Variants in PRRC2C observed in about 807,000 individuals in gnomAD.
PRRC2C encodes proline rich coiled-coil 2C.
PRRC2C carries 72 observed loss-of-function variants against 317.2 expected under a neutral mutation model. The observed-to-expected ratio is 0.23, with a 90% CI of 0.19 to 0.28. The LOEUF (loss-of-function observed/expected upper bound fraction) is 0.28, where lower values mean the gene tolerates loss of function less well. Ranked by LOEUF, PRRC2C falls within the 10% of genes least tolerant of loss-of-function variation. The probability of loss-of-function intolerance (pLI) is 1.00; values close to 1 mark genes in which losing one functional copy is unlikely to be tolerated. For synonymous variants in PRRC2C, 1,296 were observed against 1,205.9 expected, an observed-to-expected ratio of 1.07 and a Z score of -1.55; for missense variants, 3,074 against 3,459.7, an observed-to-expected ratio of 0.89 and a Z score of 2.80.
intron 2 of PRRC2C, chr1:171,512,695 A>G (rs566430913): frequency 1.5e-5 from 4 of 273,076 alleles, no homozygotes; most frequent in East Asian, 1.6e-4. Context: ...CTAACATTCT[A>G]AGTTTTGAGT....
rs1295536966 is a variant in PRRC2C at position 171,566,766 on chromosome 1, A to G, written c.6481A>G (p.Lys2161Glu). The G allele has an allele frequency of 1.2e-6, 2 of 1,613,834 alleles. No individual in the cohort carries two copies. The highest frequency in any genetic ancestry group is 1.7e-6 in the Non-Finnish European group (2 of 1,179,806). The change falls in exon 22 of 35, where the codon AAA (lysine) becomes GAA (glutamate). Residue 2161 changes from lysine (K) to glutamate (E), a missense_variant. By Grantham distance (56) the Lys-to-Glu change is moderately conservative (BLOSUM62 1). Coordinates refer to ENST00000647382, the MANE Select transcript of PRRC2C (RefSeq NM_001387844.1). ...STDPVTTKET[K>E]AVSEMSTEIG... is the part of the protein sequence containing the mutation. ...AGATCCTGTCACGACAAAGGAGACT[A>G]AAGCAGTCTCAGAAATGTCTACTGA...
chr1:171,560,975 ACT>A, intron 19 of PRRC2C, 41 bp from the exon 20 acceptor site: 2 of 1,447,606 alleles, frequency 1.4e-6, no homozygotes. Flanking sequence ...AGATTATTAG[ACT>A]CTAAATCTTA....
Position 171,532,585 on chromosome 1 carries a change from A to G in PRRC2C, c.1497A>G (p.Lys499=), listed in dbSNP as rs1005353599. 1.9e-6 allele frequency: 3 copies of G among 1,562,284 alleles called. No homozygotes were observed. ...RLDEKLGILE[K]QPSPEEIRER... ...ATGAGAAGCTTGGCATCCTGGAAAA[A>G]CAACCATCTCCAGAGGAAATTAGGG... The change falls in exon 12 of 35, where the codon AAA becomes AAG. Residue 499 remains lysine, a synonymous_variant. Coordinates refer to ENST00000647382, the MANE Select transcript of PRRC2C (RefSeq NM_001387844.1).
Position 171,584,207 on chromosome 1 carries a change from C to G in PRRC2C, c.7641+20C>G. 1 of 1,560,876 alleles carries G rather than the reference C, an allele frequency of 6.4e-7. No individual in the cohort carries two copies. Among genetic ancestry groups the G allele is most frequent in the Middle Eastern group, 1.7e-4 (1 of 5,944 alleles). On this transcript the variant is annotated intron_variant, in intron 29 of 34. Transcript: ENST00000647382. Reference sequence around the variant, plus strand: ...CTCCAGGTAAGTCAGGGGACTAGAGCAATGCACCCTCATTGTATTCCTATG... The same window carrying G: ...CTCCAGGTAAGTCAGGGGACTAGAGGAATGCACCCTCATTGTATTCCTATG...
At chr1:171,563,123 C>A (rs1453000066) in intron 20 of PRRC2C, among the ~76,000 whole-genome samples, 1 of 151,880 alleles carries the variant, frequency 6.6e-6, no homozygotes. Flanking sequence ...GGGATGAAAG[C>A]CTGGATGAAA....
chr1:171,588,196 G>T (rs1193378590), intron 32 of PRRC2C, among the ~76,000 whole-genome samples, 183 bp from the exon 33 acceptor site: 1 of 152,074 alleles, frequency 6.6e-6, no homozygotes, highest in African/African-American at 2.4e-5. Flanking sequence ...ACTGGTAACT[G>T]GTATCCTTTC....
intron 26 of PRRC2C, among the ~76,000 whole-genome samples, chr1:171,578,372 G>T (rs1647675388): frequency 6.6e-6 from 1 of 151,956 alleles, no homozygotes; most frequent in African/African-American, 2.4e-5. Flanking sequence ...GAGCAACATA[G>T]TGAGACCCAT....
rs934049337 is a variant in PRRC2C, at chr1:171,557,402, G to C, written c.5290G>C (p.Val1764Leu). Residue 1764 changes from valine to leucine, a missense_variant, in exon 19 of 35, where the codon GTT (valine) becomes CTT (leucine). Val to Leu is a conservative substitution (Grantham distance 32). This residue lies in a region of PRRC2C where 640 missense variants were observed against 676.1 expected (regional missense o/e 0.95). Coordinates refer to ENST00000647382, the MANE Select transcript of PRRC2C (RefSeq NM_001387844.1). ...APLPPSTSASVPASTSAPLPA... is the reference protein window; with the variant it reads ...APLPPSTSASLPASTSAPLPA... ...ACTTCCACCTTCAACCTCAGCTTCAGTTCCAGCCTCAACCTCAGCTCCACT... is the reference window on the plus strand; with the variant it reads ...ACTTCCACCTTCAACCTCAGCTTCACTTCCAGCCTCAACCTCAGCTCCACT... 13 of 1,548,530 alleles carry C rather than the reference G, an allele frequency of 8.4e-6. No individual in the cohort carries two copies. In the Admixed American group the frequency reaches 2.4e-4, roughly 28 times the overall value.
chr1:171,557,511 C>CAGCTCCAGTTCCAGCCTCACCCTT lies in PRRC2C; in HGVS notation c.5410_5433dup (p.Pro1804_Val1811dup), dbSNP rs750227584. On this transcript the variant is annotated inframe_insertion, in exon 19 of 35. Coordinates refer to ENST00000647382, the MANE Select transcript of PRRC2C (RefSeq NM_001387844.1). The stretch of plus-strand genomic sequence containing the variant: ...TTAGCTCCAGTTCTGGCCTCAACCT[C>CAGCTCCAGTTCCAGCCTCACCCTT]AGCTCCAGTTCCAGCCTCACCCTTA... 417 of 1,551,582 alleles carry CAGCTCCAGTTCCAGCCTCACCCTT rather than the reference C, an allele frequency of 2.7e-4. 2 individuals are homozygous for CAGCTCCAGTTCCAGCCTCACCCTT. The African/African-American group carries it at 4.0e-3, about 15-fold the overall frequency.
At chr1:171,519,336 A>G (rs939973387) in intron 6 of PRRC2C, among the ~76,000 whole-genome samples, 2 of 152,204 alleles carry the variant, frequency 1.3e-5, no homozygotes, top group Non-Finnish European at 2.9e-5. Context: ...CTCAAATATT[A>G]TGTTAGTATT....
intron 34 of PRRC2C, 191 bp from the exon 35 acceptor site, chr1:171,591,395 AC>A: frequency 3.6e-6 from 2 of 561,358 alleles, no homozygotes; most frequent in East Asian, 4.0e-5. Flanking sequence ...TTTTTAAATC[AC>A]ATGAAATATT....
intron 25 of PRRC2C, among the ~76,000 whole-genome samples, chr1:171,575,902 T>C (rs974679797): frequency 2.0e-5 from 3 of 152,194 alleles, no homozygotes; most frequent in African/African-American, 7.2e-5. Context: ...ATAAATTACT[T>C]TGTTTGACTG....
chr1:171,499,423 T>A (rs1469434339), intron 1 of PRRC2C, among the ~76,000 whole-genome samples: 1 of 152,206 alleles, frequency 6.6e-6, no homozygotes, highest in Non-Finnish European at 1.5e-5. Flanking sequence ...GTTTTGGAAT[T>A]GTCCTTACTG....
At chr1:171,507,956 T>C (rs982579221) in intron 1 of PRRC2C, among the ~76,000 whole-genome samples, 4 of 152,228 alleles carry the variant, frequency 2.6e-5, no homozygotes, top group African/African-American at 9.6e-5. Context: ...TAGGTTGTTA[T>C]TTGTGAAAAG....
At chr1:171,551,909 T>C (rs1261536151) in intron 18 of PRRC2C, among the ~76,000 whole-genome samples, 1 of 152,218 alleles carries the variant, frequency 6.6e-6, no homozygotes, top group Non-Finnish European at 1.5e-5. Flanking sequence ...GCCTCCAGCT[T>C]TGTTCTTTTT....
chr1:171,495,069 A>C (rs1439403640), intron 1 of PRRC2C, among the ~76,000 whole-genome samples: 1 of 152,206 alleles, frequency 6.6e-6, no homozygotes, highest in Non-Finnish European at 1.5e-5. Flanking sequence ...TTTCCTTTGC[A>C]TTCAGTCGTT....
At chr1:171,545,720 T>C in intron 17 of PRRC2C, 33 bp downstream of exon 17, 1 of 1,003,972 alleles carries the variant, frequency 1.0e-6, no homozygotes, top group Non-Finnish European at 1.3e-6. Context: ...TTTATTTATT[T>C]ATTTATTTAT....
intron 16 of PRRC2C, among the ~76,000 whole-genome samples, chr1:171,543,725 A>G (rs977548796): frequency 3.9e-5 from 6 of 152,166 alleles, no homozygotes; most frequent in East Asian, 3.8e-4. Context: ...ATATTTGTCT[A>G]TTTTCTGTTG....
chr1:171,560,373 A>T (rs536933815), intron 19 of PRRC2C, among the ~76,000 whole-genome samples: 1 of 145,472 alleles, frequency 6.9e-6, no homozygotes, highest in Non-Finnish European at 1.5e-5. Flanking sequence ...AGAATATTAC[A>T]TAAACTTAGT....
Sources: gnomAD v4.1 joint callset for allele counts (sites outside exome capture counted in the v4.1 genomes callset) on GRCh38, gnomAD v4.1.1 for gene constraint, gnomAD v4.1.1 regional missense constraint, MANE v1.5 for transcripts, NCBI Gene and HGNC (gene_info 2026-07-23, HGNC 2026-07-21) for gene names.